Variants in NADK2 observed in about 807,000 individuals in gnomAD.
The protein encoded by NADK2 is NAD kinase domain-containing protein 1, mitochondrial.
Under a neutral mutation model 62.1 loss-of-function variants are expected in NADK2, and 35 were observed. That is an observed-to-expected ratio of 0.56 (90% CI 0.43 to 0.75). NADK2 has a LOEUF of 0.75. Among genes scored for constraint, NADK2 ranks in the 30% least tolerant of loss-of-function variants. The pLI is 0.00. For missense variants in NADK2, 439 were observed against 561.3 expected, an observed-to-expected ratio of 0.78 and a Z score of 2.20; for synonymous variants, 205 against 207.9, an observed-to-expected ratio of 0.99 and a Z score of 0.12.
chr5:36,203,773 C>T (rs1276935154), intron 8 of NADK2, among the ~76,000 whole-genome samples: 1 of 152,050 alleles, frequency 6.6e-6, no homozygotes, highest in East Asian at 1.9e-4. Context: ...CAAAATTACA[C>T]CCCTCCCCAG....
chr5:36,221,100 A>G (rs1747250504), intron 4 of NADK2: 2 of 152,206 alleles, frequency 1.3e-5, no homozygotes, highest in African/African-American at 4.8e-5. Flanking sequence ...AGGGTACCTA[A>G]ATACTAGGAA....
At position 36,205,362 on chromosome 5, in the gene NADK2, T is replaced by C. The variant is rs537699835; in HGVS notation, c.956+1808A>G. Among the ~76,000 whole-genome samples, 3 of 152,066 alleles carry C rather than the reference T, an allele frequency of 2.0e-5. No homozygotes were observed. The South Asian group carries it at 6.2e-4, about 32-fold the overall frequency. On this transcript the variant is annotated intron_variant, in intron 8 of 11. Coordinates refer to ENST00000381937, the MANE Select transcript of NADK2 (RefSeq NM_001085411.3). This position sits in a 1 kb window ranked among gnomAD's most constrained non-coding sequence, Gnocchi z 4.1. Reference sequence around the variant, plus strand: ...GGATTTTCAGACAGTGGATAGAAAGTGGAGTGTTCAGGCATTCAAGGCAGG... The same window carrying C: ...GGATTTTCAGACAGTGGATAGAAAGCGGAGTGTTCAGGCATTCAAGGCAGG...
At chr5:36,235,186 T>C (rs934212045) in intron 1 of NADK2, among the ~76,000 whole-genome samples, 1 of 152,206 alleles carries the variant, frequency 6.6e-6, no homozygotes, top group Non-Finnish European at 1.5e-5. Context: ...TACTTTGAAA[T>C]GATAACTTCT....
At chr5:36,241,927 AG>A (rs1284982258), upstream of NADK2, 1 of 791,366 alleles carries the variant, frequency 1.3e-6, no homozygotes, top group African/African-American at 1.9e-5. This position sits in a 1 kb window ranked among gnomAD's most constrained non-coding sequence, Gnocchi z 4.9. Flanking sequence ...GTTAAGTGCC[AG>A]GACGTGCGTG....
chr5:36,232,565 C>T (rs570084369), intron 1 of NADK2, among the ~76,000 whole-genome samples: 1 of 124,182 alleles, frequency 8.1e-6, no homozygotes, highest in South Asian at 2.2e-4. Flanking sequence ...ATGATCAGAC[C>T]TAGTGCACTG....
intron 8 of NADK2, among the ~76,000 whole-genome samples, chr5:36,203,374 C>G (rs1392613464): frequency 6.6e-6 from 1 of 152,038 alleles, no homozygotes; most frequent in Non-Finnish European, 1.5e-5. Flanking sequence ...TCTCTTCCTA[C>G]ATTTTTTGAA....
intron 4 of NADK2, among the ~76,000 whole-genome samples, chr5:36,224,720 T>C (rs981102912): frequency 6.6e-6 from 1 of 152,122 alleles, no homozygotes; most frequent in Admixed American, 6.6e-5. Context: ...GGTAGAAGGC[T>C]ACAGTCAGAG....
intron 4 of NADK2, among the ~76,000 whole-genome samples, chr5:36,223,772 G>A (rs1372071617): frequency 6.6e-6 from 1 of 152,110 alleles, no homozygotes; most frequent in Non-Finnish European, 1.5e-5. Context: ...AGAACTGAAG[G>A]AGTGGCGATA....
chr5:36,228,791 T>A (rs1024649322), intron 1 of NADK2, among the ~76,000 whole-genome samples: 12 of 143,612 alleles, frequency 8.4e-5, no homozygotes, highest in African/African-American at 2.8e-4. Context: ...GCTAATTTAT[T>A]TTATTTTTTT....
chr5:36,228,694 C>T (rs1234121311), intron 1 of NADK2, among the ~76,000 whole-genome samples: 1 of 151,588 alleles, frequency 6.6e-6, no homozygotes, highest in Non-Finnish European at 1.5e-5. Context: ...TCTCAGCTTA[C>T]TGCAACCTCT....
At chr5:36,201,776 C>G (rs1746457930) in intron 8 of NADK2, among the ~76,000 whole-genome samples, 1 of 151,794 alleles carries the variant, frequency 6.6e-6, no homozygotes, top group South Asian at 2.1e-4. Context: ...TTAACCTAGG[C>G]AAGTATTCTT....
intron 1 of NADK2, among the ~76,000 whole-genome samples, chr5:36,231,603 A>G (rs1405681069): frequency 1.3e-5 from 2 of 152,236 alleles, no homozygotes; most frequent in African/African-American, 4.8e-5. Flanking sequence ...TCACTATTCA[A>G]CTGGCTTTAA....
At chr5:36,228,794 A>T (rs11741500) in intron 1 of NADK2, among the ~76,000 whole-genome samples, 131,491 of 145,488 alleles carry the variant, frequency 0.9, 59,547 homozygotes, top group Non-Finnish European at 0.97. Flanking sequence ...AATTTATTTT[A>T]TTTTTTTTTT....
chr5:36,202,083 G>A (rs1746471229), intron 8 of NADK2, among the ~76,000 whole-genome samples: 1 of 151,950 alleles, frequency 6.6e-6, no homozygotes, highest in Non-Finnish European at 1.5e-5. Flanking sequence ...GGCTCTTAAC[G>A]TTTTGGGGGA....
intron 10 of NADK2, among the ~76,000 whole-genome samples, chr5:36,198,200 A>G (rs1746305019): frequency 6.6e-6 from 1 of 152,064 alleles, no homozygotes; most frequent in African/African-American, 2.4e-5. Context: ...ATCAAGAGGT[A>G]CAGGAGGGCT....
intron 11 of NADK2, among the ~76,000 whole-genome samples, chr5:36,196,105 A>G (rs1746224321): frequency 6.6e-6 from 1 of 152,160 alleles, no homozygotes; most frequent in South Asian, 2.1e-4. Context: ...TGCTATGAAT[A>G]TTCTTGAATG....
chr5:36,230,885 C>A (rs1444136295), intron 1 of NADK2, among the ~76,000 whole-genome samples: 1 of 152,174 alleles, frequency 6.6e-6, no homozygotes, highest in South Asian at 2.1e-4. Context: ...CAAGGCACTG[C>A]AAACTGCCAA....
rs904535305 is a variant in NADK2, at chr5:36,211,900, T to G, written c.804A>C (p.Gln268His). 6.2e-7 allele frequency: 1 copy of G among 1,613,772 alleles called. No homozygotes were observed. The highest frequency in any genetic ancestry group is 1.3e-5 in the African/African-American group (1 of 75,046). Residue 268 changes from glutamine (Q) to histidine (H), a missense_variant, in exon 7 of 12, where the codon CAA becomes CAC. Physicochemically the swap from Gln to His is conservative, Grantham distance 24 (BLOSUM62 0). Coordinates refer to ENST00000381937, the MANE Select transcript of NADK2 (RefSeq NM_001085411.3). Reference protein sequence around the residue: ...HDERSEASGPQLLPVRALNEV... With the variant: ...HDERSEASGPHLLPVRALNEV... Reference sequence around the variant, plus strand: ...CATTTAGTGCTCTCACTGGCAGAAGTTGGGGTCCTGAAGCCTCAGACCCTG... The same window carrying G: ...CATTTAGTGCTCTCACTGGCAGAAGGTGGGGTCCTGAAGCCTCAGACCCTG...
rs544447971 is a variant in NADK2 at position 36,197,478 on chromosome 5, C to A, written c.1190+63G>T. On this transcript the variant is annotated intron_variant, in intron 11 of 11. Transcript: ENST00000381937. ...TAATGAAATTAAATAGTTTTCAAAC[C>A]AAGTGGGCTTTGTAACAATGAAAGG... is the stretch of plus-strand genomic sequence containing the variant. 9 of 1,596,694 alleles carry A rather than the reference C, an allele frequency of 5.6e-6. No individual in the cohort carries two copies. The South Asian group carries it at 1.0e-4, about 18-fold the overall frequency.
Sources: gnomAD v4.1 joint callset for allele counts (sites outside exome capture counted in the v4.1 genomes callset) on GRCh38, gnomAD v4.1.1 for gene constraint, Gnocchi (gnomAD v3.1) non-coding constraint, MANE v1.5 for transcripts, NCBI Gene and HGNC (gene_info 2026-07-23, HGNC 2026-07-21) for gene names.